The following TBCD variants were observed in gnomAD, a reference collection of about 807,000 sequenced individuals.
The protein encoded by TBCD is tubulin folding cofactor D.
TBCD carries 105 observed loss-of-function variants against 169.3 expected under a neutral mutation model. That is an observed-to-expected ratio of 0.62 (90% CI 0.53 to 0.73). TBCD has a LOEUF of 0.73. Among genes scored for constraint, TBCD ranks in the 30% least tolerant of loss-of-function variants. The pLI, the probability that TBCD is intolerant of heterozygous loss-of-function variation, is 0.00. For synonymous variants in TBCD, 700 were observed against 643.9 expected, an observed-to-expected ratio of 1.09 and a Z score of -1.32; for missense variants, 1,444 against 1,600.1, an observed-to-expected ratio of 0.90 and a Z score of 1.66.
Position 82,806,670 on chromosome 17 carries a change from G to T in TBCD, c.1087+659G>T, listed in dbSNP as rs1016659391. Among the ~76,000 whole-genome samples the T allele has an allele frequency of 6.7e-4, 102 of 152,142 alleles. No homozygotes were observed. The highest frequency in any genetic ancestry group is 2.4e-3 in the African/African-American group (99 of 41,492). The stretch of plus-strand genomic sequence containing the variant: ...CCTGATGGGCAGGCGGGGCCACGCT[G>T]CCTGTGCTGTGCTGCACTCTGCTCA... On this transcript the variant is annotated intron_variant, in intron 10 of 38. Coordinates refer to ENST00000355528, the MANE Select transcript of TBCD (RefSeq NM_005993.5). The surrounding 1 kb of genome is among the most constrained non-coding windows in gnomAD (Gnocchi z 5.1).
At chr17:82,933,208 CTGAG>C (rs2062351903) in intron 34 of TBCD, among the ~76,000 whole-genome samples, 1 of 151,084 alleles carries the variant, frequency 6.6e-6, no homozygotes, top group Non-Finnish European at 1.5e-5. Flanking sequence ...GTTGTTGGCT[CTGAG>C]TGGTCATCTC....
At chr17:82,781,963 G>A (rs2048974745) in intron 7 of TBCD, among the ~76,000 whole-genome samples, 1 of 152,206 alleles carries the variant, frequency 6.6e-6, no homozygotes, top group African/African-American at 2.4e-5. Context: ...GCCAGCAGAG[G>A]GCAGTGGTGC....
intron 24 of TBCD, 84 bp from the exon 25 acceptor site, chr17:82,921,417 T>G: frequency 9.3e-7 from 1 of 1,077,902 alleles, no homozygotes; most frequent in Non-Finnish European, 1.4e-6. Flanking sequence ...TTAAGATTAG[T>G]ATTAATAGAA....
intron 9 of TBCD, among the ~76,000 whole-genome samples, chr17:82,805,427 A>T (rs1199924525): frequency 6.6e-6 from 1 of 152,074 alleles, no homozygotes; most frequent in Non-Finnish European, 1.5e-5. Context: ...GGGAGGCAGG[A>T]TCTGTAGGAA....
intron 13 of TBCD, among the ~76,000 whole-genome samples, chr17:82,841,170 C>T (rs2054492515): frequency 6.6e-6 from 1 of 151,530 alleles, no homozygotes; most frequent in Non-Finnish European, 1.5e-5. Context: ...TCTTGATCTC[C>T]TGACCTTGTG....
chr17:82,793,483 C>T (rs955139934), intron 7 of TBCD, among the ~76,000 whole-genome samples: 4 of 152,204 alleles, frequency 2.6e-5, no homozygotes, highest in African/African-American at 9.7e-5. Flanking sequence ...TTTCTGGCCT[C>T]CAGTAGTGGT....
intron 13 of TBCD, among the ~76,000 whole-genome samples, chr17:82,844,206 C>CGTGTCTGTGTGTGTGTGT (rs2054798823): frequency 7.8e-6 from 1 of 127,410 alleles, no homozygotes; most frequent in Admixed American, 7.8e-5. Context: ...GGATGTTCTC[C>CGTGTCTGTGTGTGTGTGT]GTGTGTGTGT....
chr17:82,766,389 C>G lies in TBCD; in HGVS notation c.435+21C>G, dbSNP rs77427947. ...ATGAAGTGAGTGTCTCTGCCTCCCC[C>G]CTCGTCTCCAGCCCTCCGTGCCTGT... On this transcript the variant is annotated intron_variant, in intron 4 of 38. Transcript: ENST00000355528. 3.9e-3 allele frequency: 6,218 copies of G among 1,585,400 alleles called. 198 individuals are homozygous for G. In the African/African-American group the frequency reaches 0.073, roughly 19 times the overall value.
intron 4 of TBCD, 73 bp from the exon 5 acceptor site, chr17:82,768,347 C>T (rs1400311012): frequency 1.3e-6 from 2 of 1,582,234 alleles, no homozygotes; most frequent in African/African-American, 2.7e-5. Context: ...AGGGCAGTGA[C>T]TTTGAGTAGA....
At chr17:82,870,435 G>A in intron 14 of TBCD, 55 bp downstream of exon 14, 1 of 1,577,562 alleles carries the variant, frequency 6.3e-7, no homozygotes, top group Admixed American at 1.8e-5. Context: ...ACGGCGCCGT[G>A]TGTCGTTTCC....
chr17:82,852,301 C>T (rs1230361543), intron 13 of TBCD, among the ~76,000 whole-genome samples: 3 of 152,116 alleles, frequency 2.0e-5, no homozygotes, highest in Non-Finnish European at 4.4e-5. Context: ...GGCGATGCAG[C>T]CCCCAGCAGT....
intron 7 of TBCD, among the ~76,000 whole-genome samples, chr17:82,788,568 C>T (rs2049474261): frequency 6.6e-6 from 1 of 152,120 alleles, no homozygotes; most frequent in African/African-American, 2.4e-5. Context: ...ATAAAATAGT[C>T]ACACACAACA....
At chr17:82,856,163 A>G (rs530188038) in intron 13 of TBCD, among the ~76,000 whole-genome samples, 2 of 151,816 alleles carry the variant, frequency 1.3e-5, no homozygotes, top group East Asian at 3.9e-4. Flanking sequence ...TAAGACAAAG[A>G]CACCCAAACA....
chr17:82,806,119 G>C lies in TBCD; in HGVS notation c.1087+108G>C. The C allele has an allele frequency of 1.4e-6, 2 of 1,460,966 alleles. No individual in the cohort carries two copies. Among genetic ancestry groups the C allele is most frequent in the Non-Finnish European group, 1.8e-6 (2 of 1,083,626 alleles). 90.5% of individuals were successfully genotyped at this position (1,460,966 alleles called of 1,614,324 possible). ...TCCTTGCTGGTGCCGGCACTGTCTG[G>C]CCACCCGTCCCCTTCGCTGAGTGCA... On this transcript the variant is annotated intron_variant, in intron 10 of 38. Transcript: ENST00000355528. This position sits in a 1 kb window ranked among gnomAD's most constrained non-coding sequence, Gnocchi z 5.1.
At chr17:82,803,372 G>T (rs78679728) in intron 9 of TBCD, among the ~76,000 whole-genome samples, 9,399 of 152,288 alleles carry the variant, frequency 0.062, 682 homozygotes, top group African/African-American at 0.18. Flanking sequence ...CAGTCTCCAA[G>T]TTCTCTGCGG....
intron 13 of TBCD, among the ~76,000 whole-genome samples, chr17:82,825,445 G>C (rs2052758616): frequency 6.6e-6 from 1 of 152,158 alleles, no homozygotes; most frequent in Non-Finnish European, 1.5e-5. Flanking sequence ...AAAACATACT[G>C]GTGTATATAA....
At position 82,762,874 on chromosome 17, in the gene TBCD, G is replaced by A. The variant is rs972393771; in HGVS notation, c.236-1091G>A. On this transcript the variant is annotated intron_variant, in intron 2 of 38. Transcript: ENST00000355528. ...CTCTGGGTTCTCTTCAGCACTCAGC[G>A]TTGCCAGTCTCTCTGATTTCAGGGA... 3.9e-5 allele frequency among the ~76,000 whole-genome samples: 6 copies of A among 152,120 alleles called. No individual in the cohort carries two copies. In the East Asian group the frequency reaches 5.8e-4, roughly 15 times the overall value.
At chr17:82,882,743 G>A (rs926125663) in intron 14 of TBCD, among the ~76,000 whole-genome samples, 10 of 152,170 alleles carry the variant, frequency 6.6e-5, no homozygotes, top group Admixed American at 2.6e-4. Flanking sequence ...GAGAACAGGC[G>A]GGATGCTGTG....
chr17:82,856,737 C>T (rs955934397), intron 13 of TBCD, among the ~76,000 whole-genome samples: 1 of 149,018 alleles, frequency 6.7e-6, no homozygotes, highest in Admixed American at 6.6e-5. Flanking sequence ...CGCTGGACCG[C>T]GTGCGGACCC....
Sources: allele counts gnomAD v4.1 joint callset (sites outside exome capture counted in the v4.1 genomes callset), GRCh38; gene constraint gnomAD v4.1.1; non-coding constraint Gnocchi (gnomAD v3.1); transcripts MANE v1.5; gene names NCBI Gene and HGNC (gene_info 2026-07-23, HGNC 2026-07-21).